The following CLASP1 variants were observed in gnomAD, a reference collection of about 807,000 sequenced individuals.
CLASP1 encodes the protein cytoplasmic linker associated protein 1, also known as CLIP-associating protein 1.
In CLASP1, 38 loss-of-function variants were observed where a neutral mutation model predicts 192.3. The observed-to-expected ratio is 0.20, with a 90% CI of 0.15 to 0.26. CLASP1 has a LOEUF of 0.26. Ranked by LOEUF, CLASP1 falls within the 10% of genes least tolerant of loss-of-function variation. The pLI is 1.00. For missense variants in CLASP1, 1,433 were observed against 1,932.5 expected (o/e 0.74, Z 4.85); for synonymous variants, 691 against 712.8 (o/e 0.97, Z 0.49).
chr2:121,604,767 T>G (rs1206528288), intron 2 of CLASP1, among the ~76,000 whole-genome samples: 2 of 152,214 alleles, frequency 1.3e-5, no homozygotes. Flanking sequence ...GAGTACATAC[T>G]AGAGCAAAGG....
chr2:121,605,270 G>A (rs879538649), intron 2 of CLASP1, among the ~76,000 whole-genome samples: 3 of 152,068 alleles, frequency 2.0e-5, no homozygotes, highest in Non-Finnish European at 2.9e-5. Context: ...TCACAACAGT[G>A]ACCTGAAGGT....
intron 2 of CLASP1, among the ~76,000 whole-genome samples, chr2:121,593,522 G>A (rs2062676273): frequency 6.6e-6 from 1 of 151,400 alleles, no homozygotes; most frequent in Non-Finnish European, 1.5e-5. Context: ...GGGAGGCTGA[G>A]GCAGAAGAAT....
rs116563353 is a variant in CLASP1 at position 121,453,675 on chromosome 2, C to G, written c.1386-1826G>C. Among the ~76,000 whole-genome samples, 638 of 152,314 alleles carry G rather than the reference C, an allele frequency of 4.2e-3. 3 individuals are homozygous for G. Among genetic ancestry groups the G allele is most frequent in the African/African-American group, 0.015 (619 of 41,576 alleles). ...CTTTACTGCACTTATTCCTACTCAT[C>G]TTTCAAAATGTAGCTCATTTTTAAC... is the stretch of plus-strand genomic sequence containing the variant. On this transcript the variant is annotated intron_variant, in intron 14 of 39. Transcript: ENST00000263710.
intron 22 of CLASP1, among the ~76,000 whole-genome samples, chr2:121,423,350 T>C (rs1249884489): frequency 1.3e-5 from 2 of 152,128 alleles, no homozygotes; most frequent in South Asian, 2.1e-4. Flanking sequence ...TAAAAACATA[T>C]AAAATATTGT....
At chr2:121,478,626 CACATACACACACACACA>C (rs1559364709) in intron 8 of CLASP1, among the ~76,000 whole-genome samples, 1 of 130,940 alleles carries the variant, frequency 7.6e-6, no homozygotes, top group African/African-American at 3.1e-5. Context: ...ACCACACACA[CACATACACACACACACA>C]CCCCCCACAC....
At chr2:121,540,520 G>A (rs1225508516) in intron 2 of CLASP1, among the ~76,000 whole-genome samples, 1 of 151,982 alleles carries the variant, frequency 6.6e-6, no homozygotes, top group Non-Finnish European at 1.5e-5. Flanking sequence ...CAGGCATGGT[G>A]GTTCACACCT....
intron 1 of CLASP1, among the ~76,000 whole-genome samples, chr2:121,613,778 T>A (rs1314037596): frequency 2.6e-5 from 4 of 152,240 alleles, no homozygotes; most frequent in Admixed American, 1.3e-4. Flanking sequence ...TAGTCTACTG[T>A]AGACTTCTTT....
chr2:121,339,271 T>A (rs369053885), exon 40 of CLASP1: 1 of 152,348 alleles, frequency 6.6e-6, no homozygotes. Context: ...CTGCATCCAA[T>A]GCAGAGGGTC....
In CLASP1 at chr2:121,530,925, G is replaced by C. The variant is rs1032667950; in HGVS notation, c.196-600C>G. On this transcript the variant is annotated intron_variant, in intron 2 of 39. Coordinates refer to ENST00000263710, the Ensembl canonical transcript of CLASP1. ...TGCGCTACTGTCCAATGAGCGCATA[G>C]TGAGGGCAGTACTGCTAACGCCTGA... 17 of 699,948 alleles carry C rather than the reference G, an allele frequency of 2.4e-5. No individual in the cohort carries two copies. The highest frequency in any genetic ancestry group is 3.6e-4 in the Middle Eastern group (1 of 2,758). The allele number at this position is 699,948 out of a possible 1,614,324, so 43.4% of individuals were successfully genotyped here. A position where few individuals can be genotyped will look rare whatever the true frequency, so the allele number is the denominator to read the frequency against.
chr2:121,593,626 C>CAAA (rs61315745), intron 2 of CLASP1, among the ~76,000 whole-genome samples: 82 of 50,732 alleles, frequency 1.6e-3, no homozygotes, highest in African/African-American at 4.4e-3. Flanking sequence ...AACTCCGTCT[C>CAAA]AAAAAAAAAA....
Position 121,644,969 on chromosome 2 carries a change from A to T in CLASP1, c.-286+4403T>A, listed in dbSNP as rs562061186. On this transcript the variant is annotated intron_variant, in intron 1 of 39. Coordinates refer to ENST00000263710, the Ensembl canonical transcript of CLASP1. ...CAAAACTGTCTCAAAAAAAAAACAA[A>T]AAAAAAAAAAACAAGAGTTGCCTAA... 8.1e-3 allele frequency among the ~76,000 whole-genome samples: 1,223 copies of T among 151,514 alleles called. 6 individuals are homozygous for T. Among genetic ancestry groups the T allele is most frequent in the Non-Finnish European group, 0.013 (902 of 67,890 alleles).
intron 1 of CLASP1, among the ~76,000 whole-genome samples, chr2:121,617,400 A>C (rs1475624033): frequency 6.6e-6 from 1 of 152,142 alleles, no homozygotes; most frequent in African/African-American, 2.4e-5. Context: ...TTGAGCTCAC[A>C]TGCCTTTCAT....
intron 2 of CLASP1, among the ~76,000 whole-genome samples, chr2:121,553,525 A>AG (rs1365836398): frequency 9.9e-3 from 2 of 202 alleles, no homozygotes; most frequent in African/African-American, 0.03. Flanking sequence ...AACATGGTGA[A>AG]ACCTGTCTCC....
intron 1 of CLASP1, among the ~76,000 whole-genome samples, chr2:121,642,936 T>C (rs1432079102): frequency 6.6e-6 from 1 of 152,132 alleles, no homozygotes; most frequent in African/African-American, 2.4e-5. Flanking sequence ...GTTGAAATGG[T>C]TTGATGTGGT....
chr2:121,635,139 C>T (rs1433142080), intron 1 of CLASP1, among the ~76,000 whole-genome samples: 2 of 150,892 alleles, frequency 1.3e-5, no homozygotes, highest in Non-Finnish European at 2.9e-5. Flanking sequence ...GCCAAGAGTT[C>T]TAGGCAGCAG....
chr2:121,338,564 AG>A, exon 40 of CLASP1: 1 of 152,574 alleles, frequency 6.6e-6, no homozygotes, highest in Non-Finnish European at 1.5e-5. Context: ...GTCAGGGTCT[AG>A]GGGGCGACGG....
chr2:121,627,240 T>C (rs1347352524), intron 1 of CLASP1, among the ~76,000 whole-genome samples: 1 of 152,208 alleles, frequency 6.6e-6, no homozygotes, highest in Non-Finnish European at 1.5e-5. Flanking sequence ...GAACTCCCTG[T>C]ACATTTTTTG....
intron 2 of CLASP1, among the ~76,000 whole-genome samples, chr2:121,558,553 G>A (rs1464997060): frequency 6.6e-6 from 1 of 152,164 alleles, no homozygotes; most frequent in Non-Finnish European, 1.5e-5. Context: ...AAGAGGAAGA[G>A]AAACCTGAGC....
At chr2:121,576,451 A>G (rs1302691292) in intron 2 of CLASP1, among the ~76,000 whole-genome samples, 2 of 152,232 alleles carry the variant, frequency 1.3e-5, no homozygotes, top group Non-Finnish European at 2.9e-5. Context: ...AATACCAGGT[A>G]AAAGTGCTTC....
Sources: gnomAD v4.1 joint callset for allele counts (sites outside exome capture counted in the v4.1 genomes callset) on GRCh38, gnomAD v4.1.1 for gene constraint, MANE v1.5 for transcripts, NCBI Gene and HGNC (gene_info 2026-07-23, HGNC 2026-07-21) for gene names.